Variants in DOK5 observed in about 807,000 individuals in gnomAD.
DOK5 encodes docking protein 5.
DOK5 carries 27 observed loss-of-function variants against 43.3 expected under a neutral mutation model. The observed-to-expected ratio is 0.62, with a 90% CI of 0.46 to 0.86. DOK5 has a LOEUF of 0.86. Ranked by LOEUF, DOK5 falls within the 40% of genes least tolerant of loss-of-function variation. The pLI is 0.00. For synonymous variants in DOK5, 146 were observed against 140.1 expected (o/e 1.04, Z -0.30); for missense variants, 373 against 392.9 (o/e 0.95, Z 0.43).
rs543807954 is a variant in DOK5, at chr20:54,648,376, G to A, written c.857-2039G>A. Among the ~76,000 whole-genome samples the A allele has an allele frequency of 2.5e-4, 38 of 152,264 alleles. No individual in the cohort carries two copies. The South Asian group carries it at 7.9e-3, about 32-fold the overall frequency. On this transcript the variant is annotated intron_variant, in intron 7 of 7. Transcript: ENST00000262593. ...TAGTTAATTTCAGATTTGGTATATG[G>A]AACAGTGGAAAAGAAAGTTTTTATG...
At chr20:54,570,910 G>A (rs1158391696) in intron 2 of DOK5, among the ~76,000 whole-genome samples, 1 of 152,180 alleles carries the variant, frequency 6.6e-6, no homozygotes, top group African/African-American at 2.4e-5. Flanking sequence ...AACTATATCG[G>A]TAGCAAATTA....
intron 2 of DOK5, among the ~76,000 whole-genome samples, chr20:54,587,157 C>T (rs961061579): frequency 1.3e-5 from 2 of 152,134 alleles, no homozygotes; most frequent in Non-Finnish European, 2.9e-5. Context: ...ACAGTTGTAT[C>T]TGGTGAGTCC....
In DOK5 at chr20:54,610,382, T is replaced by A; in HGVS notation, c.600-6T>A. The stretch of plus-strand genomic sequence containing the variant: ...TTCAGAAGCTGTTTTGTTTTTGTTT[T>A]CACAGGATGTGTGAGACTGGTGAAG... On this transcript the variant is annotated splice_region_variant and splice_polypyrimidine_tract_variant and intron_variant, in intron 5 of 7. Coordinates refer to ENST00000262593, the MANE Select transcript of DOK5 (RefSeq NM_018431.5). The A allele has an allele frequency of 1.3e-6, 2 of 1,508,274 alleles. No individual in the cohort carries two copies. The highest frequency in any genetic ancestry group is 1.8e-6 in the Non-Finnish European group (2 of 1,128,624). The allele number at this position is 1,508,274 out of a possible 1,614,324, so 93.4% of individuals were successfully genotyped here. A position where few individuals can be genotyped will look rare whatever the true frequency, so the allele number is the denominator to read the frequency against.
chr20:54,644,722 A>AAAAAAC (rs1555839828), intron 7 of DOK5, among the ~76,000 whole-genome samples: 18 of 146,568 alleles, frequency 1.2e-4, no homozygotes, highest in African/African-American at 4.6e-4. Flanking sequence ...AAAAAAAAAA[A>AAAAAAC]AACAAAATTT....
In DOK5 at chr20:54,523,710, A is replaced by G. The variant is rs375591549; in HGVS notation, c.67-31223A>G. 4.6e-5 allele frequency among the ~76,000 whole-genome samples: 7 copies of G among 152,024 alleles called. No individual in the cohort carries two copies. The South Asian group carries it at 6.2e-4, about 14-fold the overall frequency. On this transcript the variant is annotated intron_variant, in intron 1 of 7. Transcript: ENST00000262593. ...AACCTCCATCTCCTGGGTTCAAGCA[A>G]TTCTCCTGCCTCAGCCTCCCAAGTA...
At chr20:54,613,971 G>T (rs1986728288) in intron 6 of DOK5, among the ~76,000 whole-genome samples, 1 of 151,368 alleles carries the variant, frequency 6.6e-6, no homozygotes, top group South Asian at 2.1e-4. Context: ...TCCAGTCTGG[G>T]TGACAAAGGG....
At chr20:54,578,413 A>G (rs1026033244) in intron 2 of DOK5, among the ~76,000 whole-genome samples, 1 of 152,156 alleles carries the variant, frequency 6.6e-6, no homozygotes, top group Non-Finnish European at 1.5e-5. Context: ...ACCTAAGCCT[A>G]AATATATCCT....
chr20:54,529,340 A>G (rs1983684784), intron 1 of DOK5, among the ~76,000 whole-genome samples: 1 of 152,202 alleles, frequency 6.6e-6, no homozygotes, highest in Non-Finnish European at 1.5e-5. Context: ...TTGAAATACT[A>G]CTACTAATAA....
At chr20:54,503,069 T>C (rs1282455138) in intron 1 of DOK5, among the ~76,000 whole-genome samples, 1 of 152,194 alleles carries the variant, frequency 6.6e-6, no homozygotes, top group Non-Finnish European at 1.5e-5. Flanking sequence ...TTTGTATTTG[T>C]ATATATGTGC....
rs550444835 is a variant in DOK5, at chr20:54,643,722, C to T, written c.856+144C>T. ...AGGACCCCCATCAAGGCCTCACACACGAGGCACTTAATCTTTGTAGAGCCA... is the reference window on the plus strand; with the variant it reads ...AGGACCCCCATCAAGGCCTCACACATGAGGCACTTAATCTTTGTAGAGCCA... On this transcript the variant is annotated intron_variant, in intron 7 of 7. Coordinates refer to ENST00000262593, the MANE Select transcript of DOK5 (RefSeq NM_018431.5). 1.3e-4 allele frequency: 143 copies of T among 1,059,542 alleles called. No individual in the cohort carries two copies. The African/African-American group carries it at 2.0e-3, about 15-fold the overall frequency. 65.6% of individuals were successfully genotyped at this position (1,059,542 alleles called of 1,614,324 possible).
chr20:54,623,517 C>G lies in DOK5; in HGVS notation c.735+12994C>G, dbSNP rs577508863. On this transcript the variant is annotated intron_variant, in intron 6 of 7. Transcript: ENST00000262593. ...ACATGAGCTAGTGCATGTAAGGCAA[C>G]GAGACGAGGCATAGTAAGATTCAAC... 3.9e-5 allele frequency among the ~76,000 whole-genome samples: 6 copies of G among 152,220 alleles called. No individual in the cohort carries two copies. In the East Asian group the frequency reaches 1.2e-3, roughly 29 times the overall value.
chr20:54,485,292 G>T (rs549060716), intron 1 of DOK5, among the ~76,000 whole-genome samples: 82 of 151,030 alleles, frequency 5.4e-4, no homozygotes, highest in South Asian at 1.5e-3. Context: ...GGCGGAGGTT[G>T]CAGTGAGCTG....
Position 54,650,488 on chromosome 20 carries a change from G to T in DOK5, c.*9G>T. On this transcript the variant is annotated 3_prime_UTR_variant, in exon 8 of 8. Transcript: ENST00000262593. ...ACAGATCTGAGCACTGACAGTAACT[G>T]CCAAGAATTGTTAACACACTTGTGA... The T allele has an allele frequency of 6.2e-7, 1 of 1,613,456 alleles. No individual in the cohort carries two copies. The highest frequency in any genetic ancestry group is 8.5e-7 in the Non-Finnish European group (1 of 1,179,678).
intron 7 of DOK5, 75 bp from the exon 8 acceptor site, chr20:54,650,340 A>G: frequency 6.9e-7 from 1 of 1,447,254 alleles, no homozygotes; most frequent in Non-Finnish European, 9.6e-7. Context: ...TGTTATAGAG[A>G]AAGTTGTTGC....
chr20:54,531,615 G>T (rs901857263), intron 1 of DOK5, among the ~76,000 whole-genome samples: 3 of 152,168 alleles, frequency 2.0e-5, no homozygotes, highest in African/African-American at 7.2e-5. Flanking sequence ...GGGGAAGTCA[G>T]GTTCCAATTA....
intron 1 of DOK5, among the ~76,000 whole-genome samples, chr20:54,543,146 T>A (rs1043178571): frequency 4.6e-5 from 7 of 152,212 alleles, no homozygotes; most frequent in African/African-American, 1.7e-4. Context: ...AAATTATGAC[T>A]CTTATACAAA....
chr20:54,564,039 T>C (rs1985006699), intron 2 of DOK5, among the ~76,000 whole-genome samples: 1 of 152,192 alleles, frequency 6.6e-6, no homozygotes, highest in African/African-American at 2.4e-5. Context: ...CTTTATTGCG[T>C]TGGACCTAGA....
intron 5 of DOK5, among the ~76,000 whole-genome samples, chr20:54,609,750 A>G (rs562961872): frequency 7.9e-5 from 12 of 152,268 alleles, no homozygotes; most frequent in South Asian, 6.2e-4. Flanking sequence ...TTAACACTTG[A>G]TGTTAATTAT....
In DOK5 at chr20:54,583,058, T is replaced by G. The variant is rs187656593; in HGVS notation, c.175-5425T>G. ...TTGCTACCTCACACAAATTTCGGTA[T>G]GCTGTGTATTTGTTTTCATTCAGCT... On this transcript the variant is annotated intron_variant, in intron 2 of 7. Coordinates refer to ENST00000262593, the MANE Select transcript of DOK5 (RefSeq NM_018431.5). 1.0e-3 allele frequency among the ~76,000 whole-genome samples: 156 copies of G among 152,224 alleles called. 3 individuals are homozygous for G. Among genetic ancestry groups the G allele is most frequent in the East Asian group, 1.2e-3 (6 of 5,192 alleles).
Sources: allele counts gnomAD v4.1 joint callset (sites outside exome capture counted in the v4.1 genomes callset), GRCh38; gene constraint gnomAD v4.1.1; transcripts MANE v1.5; gene names NCBI Gene and HGNC (gene_info 2026-07-23, HGNC 2026-07-21).